MYT1L: variants seen among roughly 807,000 people sequenced by gnomAD.
MYT1L encodes the protein myelin transcription factor 1 like, also known as myelin transcription factor 1-like protein.
Under a neutral mutation model 126.7 loss-of-function variants are expected in MYT1L, and 12 were observed. That is an observed-to-expected ratio of 0.09 (90% CI 0.06 to 0.15). The LOEUF is 0.15. Among genes scored for constraint, MYT1L ranks in the 10% least tolerant of loss-of-function variants. The probability of loss-of-function intolerance (pLI) is 1.00; values close to 1 mark genes in which losing one functional copy is unlikely to be tolerated. For missense variants in MYT1L, 979 were observed against 1,585.2 expected, an observed-to-expected ratio of 0.62 and a Z score of 6.49; for synonymous variants, 541 against 604.2, an observed-to-expected ratio of 0.90 and a Z score of 1.53.
chr2:2,274,195 A>G (rs1027863335), intron 2 of MYT1L, among the ~76,000 whole-genome samples: 27 of 152,200 alleles, frequency 1.8e-4, no homozygotes, highest in African/African-American at 6.3e-4. Flanking sequence ...TGGTTATCCA[A>G]TATCCTGATA....
chr2:2,250,397 A>G (rs1169344701), intron 2 of MYT1L, among the ~76,000 whole-genome samples: 1 of 152,218 alleles, frequency 6.6e-6, no homozygotes, highest in Non-Finnish European at 1.5e-5. Context: ...GTTAAAAGCA[A>G]TAAGCCAGGC....
chr2:2,308,058 C>CTATG (rs1314123989), intron 1 of MYT1L, among the ~76,000 whole-genome samples: 1 of 151,904 alleles, frequency 6.6e-6, no homozygotes, highest in Non-Finnish European at 1.5e-5. Context: ...TATACTCCAC[C>CTATG]TATGCTTCAT....
intron 5 of MYT1L, among the ~76,000 whole-genome samples, chr2:1,990,949 C>T (rs555027272): frequency 6.6e-6 from 1 of 152,210 alleles, no homozygotes; most frequent in Non-Finnish European, 1.5e-5. Flanking sequence ...TCTGGGTCCT[C>T]CTGCCGTGCC....
chr2:1,956,223 ATCTG>A lies in MYT1L; in HGVS notation c.153-12893_153-12890del, dbSNP rs1344015643. The stretch of plus-strand genomic sequence containing the variant: ...TATCTATCTATCTATCTATCTATCT[ATCTG>A]TCTATCATCTATCTATCCTATTCTA... On this transcript the variant is annotated intron_variant, in intron 8 of 24. Transcript: ENST00000647738. Among the ~76,000 whole-genome samples, 11 of 132,560 alleles carry A rather than the reference ATCTG, an allele frequency of 8.3e-5. 3 individuals are homozygous for A. Among genetic ancestry groups the A allele is most frequent in the South Asian group, 6.5e-4 (3 of 4,648 alleles). 87.0% of individuals were successfully genotyped at this position (132,560 alleles called of 152,430 possible). A position where few individuals can be genotyped will look rare whatever the true frequency, so the allele number is the denominator to read the frequency against.
chr2:1,885,609 T>C (rs917155745), intron 18 of MYT1L: 1 of 152,628 alleles, frequency 6.6e-6, no homozygotes, highest in African/African-American at 2.4e-5. Context: ...AGAGATCAAA[T>C]GTGGGTTGAA....
At chr2:2,312,602 GA>G (rs1303517155) in intron 1 of MYT1L, among the ~76,000 whole-genome samples, 23 of 151,702 alleles carry the variant, frequency 1.5e-4, no homozygotes, top group Non-Finnish European at 2.1e-4. Flanking sequence ...GACAGAGTGA[GA>G]AAAAAAAGAA....
At chr2:2,107,502 T>G (rs2150539898) in intron 3 of MYT1L, among the ~76,000 whole-genome samples, 1 of 152,338 alleles carries the variant, frequency 6.6e-6, no homozygotes, top group Admixed American at 6.5e-5. Flanking sequence ...GGTAAAGAGC[T>G]AAGTGCCCAG....
intron 4 of MYT1L, among the ~76,000 whole-genome samples, chr2:2,034,179 G>C (rs1057160626): frequency 1.3e-5 from 2 of 152,226 alleles, no homozygotes; most frequent in African/African-American, 4.8e-5. Flanking sequence ...AGAAAACGTC[G>C]GTATCGACAC....
intron 2 of MYT1L, among the ~76,000 whole-genome samples, chr2:2,255,080 G>T (rs1194527962): frequency 1.3e-5 from 2 of 152,108 alleles, no homozygotes; most frequent in Non-Finnish European, 2.9e-5. Flanking sequence ...ATAAAAATAG[G>T]CCAAAGGGAA....
intron 4 of MYT1L, among the ~76,000 whole-genome samples, chr2:2,047,223 A>C (rs547491382): frequency 1.4e-4 from 21 of 152,322 alleles, no homozygotes; most frequent in Middle Eastern, 3.4e-3. Context: ...TCTATGTTTA[A>C]GTTTAATGTC....
chr2:1,872,434 C>T lies in MYT1L; in HGVS notation c.2711+14105G>A, dbSNP rs149926021. The stretch of plus-strand genomic sequence containing the variant: ...AGTGGTGAGGACAGGGAGAAGGCAG[C>T]GGTGTGGACTAGATCAGCCATGGGC... On this transcript the variant is annotated intron_variant, in intron 18 of 24. Coordinates refer to ENST00000647738, the MANE Select transcript of MYT1L (RefSeq NM_001303052.2). Among the ~76,000 whole-genome samples the T allele has an allele frequency of 2.6e-4, 39 of 152,270 alleles. No individual in the cohort carries two copies. In the East Asian group the frequency reaches 6.7e-3, roughly 26 times the overall value.
intron 1 of MYT1L, chr2:2,303,682 T>C (rs1225343494): frequency 1.3e-5 from 2 of 152,208 alleles, no homozygotes; most frequent in African/African-American, 4.8e-5. Context: ...ACAATTCATT[T>C]ACCCACAGAA....
chr2:2,267,394 G>C (rs561270557), intron 2 of MYT1L, among the ~76,000 whole-genome samples: 1 of 152,338 alleles, frequency 6.6e-6, no homozygotes, highest in South Asian at 2.1e-4. Context: ...GCGGAGCAGA[G>C]TGTAAACCCA....
intron 3 of MYT1L, among the ~76,000 whole-genome samples, chr2:2,081,965 A>G (rs547237295): frequency 2.7e-4 from 41 of 151,936 alleles, no homozygotes; most frequent in African/African-American, 9.4e-4. Flanking sequence ...CTGGTCTCGA[A>G]CTCCTGACCT....
chr2:1,908,138 G>A (rs957441051), intron 13 of MYT1L, among the ~76,000 whole-genome samples: 3 of 152,238 alleles, frequency 2.0e-5, no homozygotes, highest in Admixed American at 6.5e-5. Flanking sequence ...GCCTCTGCTC[G>A]GTTGGCATTT....
rs567717004 is a variant in MYT1L, at chr2:1,820,216, A to G, written c.3081-11049T>C. ...CCAAATTGATAGTTTGGTTGAGTAT[A>G]GAATACTGAGTGTGCAATCATTTTC... On this transcript the variant is annotated intron_variant, in intron 21 of 24. Coordinates refer to ENST00000647738, the MANE Select transcript of MYT1L (RefSeq NM_001303052.2). Among the ~76,000 whole-genome samples, 249 of 152,354 alleles carry G rather than the reference A, an allele frequency of 1.6e-3. 1 individual carries two copies. The highest frequency in any genetic ancestry group is 5.7e-3 in the African/African-American group (236 of 41,588).
chr2:2,050,933 T>C (rs1157418655), intron 4 of MYT1L, among the ~76,000 whole-genome samples: 4 of 152,268 alleles, frequency 2.6e-5, no homozygotes, highest in African/African-American at 9.6e-5. Flanking sequence ...ATTCAGAAAG[T>C]TGAATACAGT....
intron 5 of MYT1L, among the ~76,000 whole-genome samples, chr2:1,984,944 C>T (rs1200023882): frequency 2.0e-5 from 3 of 152,178 alleles, no homozygotes; most frequent in African/African-American, 7.2e-5. Flanking sequence ...CTTTGGGTCC[C>T]AGGTCTGCCA....
intron 14 of MYT1L, among the ~76,000 whole-genome samples, chr2:1,901,631 T>A (rs1008152492): frequency 6.6e-6 from 1 of 152,238 alleles, no homozygotes; most frequent in Admixed American, 6.5e-5. Flanking sequence ...CAGCAATTCC[T>A]GTAGAATAAT....
Sources: gnomAD v4.1 joint callset for allele counts (sites outside exome capture counted in the v4.1 genomes callset) on GRCh38, gnomAD v4.1.1 for gene constraint, MANE v1.5 for transcripts, NCBI Gene and HGNC (gene_info 2026-07-23, HGNC 2026-07-21) for gene names.